The following NLGN1 variants were observed in gnomAD, a reference collection of about 807,000 sequenced individuals.
NLGN1 encodes the protein neuroligin 1, also known as neuroligin-1.
A neutral mutation model predicts 65.5 loss-of-function variants in NLGN1; 12 were observed. That is an observed-to-expected ratio of 0.18 (90% CI 0.12 to 0.30). The LOEUF is 0.30. Ranked by LOEUF, NLGN1 falls within the 10% of genes least tolerant of loss-of-function variation. NLGN1 has a pLI of 1.00. For synonymous variants in NLGN1, 350 were observed against 359.5 expected (o/e 0.97, Z 0.30); for missense variants, 750 against 1,007.1 (o/e 0.74, Z 3.46).
Position 174,279,297 on chromosome 3 carries a change from G to A in NLGN1, c.1296G>A (p.Leu432=), listed in dbSNP as rs1403152996. The stretch of plus-strand genomic sequence containing the variant: ...GATATCCTGAAGGCAAAGATGTTTT[G>A]AGAGAAACCATTAAGTTCATGTATA... Residue 432 remains leucine (L), a synonymous_variant, in exon 6 of 7, where the codon TTG becomes TTA. Transcript: ENST00000457714. The surrounding 1 kb of genome is among the most constrained non-coding windows in gnomAD (Gnocchi z 4.7). 6.2e-7 allele frequency: 1 copy of A among 1,613,338 alleles called. No homozygotes were observed. The highest frequency in any genetic ancestry group is 8.5e-7 in the Non-Finnish European group (1 of 1,179,548).
intron 3 of NLGN1, among the ~76,000 whole-genome samples, chr3:173,642,699 C>G (rs1389642476): frequency 6.6e-6 from 1 of 152,160 alleles, no homozygotes; most frequent in Non-Finnish European, 1.5e-5. Flanking sequence ...GCTTTGCAAA[C>G]TGTTGTAATA....
Position 173,871,986 on chromosome 3 carries a change from C to T in NLGN1, c.646+64154C>T, listed in dbSNP as rs555210449. ...TAGCTGGAATTCACAAGAATAACAT[C>T]TTGGTTTGTAATTTAAATAATGAAG... is the stretch of plus-strand genomic sequence containing the variant. On this transcript the variant is annotated intron_variant, in intron 4 of 6. Transcript: ENST00000457714. 2.0e-5 allele frequency among the ~76,000 whole-genome samples: 3 copies of T among 152,236 alleles called. No individual in the cohort carries two copies. In the South Asian group the frequency reaches 6.2e-4, roughly 32 times the overall value.
intron 4 of NLGN1, among the ~76,000 whole-genome samples, chr3:174,261,826 T>C (rs1417697065): frequency 6.7e-6 from 1 of 149,712 alleles, no homozygotes; most frequent in Non-Finnish European, 1.5e-5. Context: ...GGGGTTGTCA[T>C]AGATAGCTCT....
intron 4 of NLGN1, among the ~76,000 whole-genome samples, chr3:174,197,124 G>C (rs1362134855): frequency 6.6e-6 from 1 of 152,210 alleles, no homozygotes; most frequent in Non-Finnish European, 1.5e-5. Context: ...CATGCCCACA[G>C]AAGGTGAGAA....
chr3:173,942,614 C>A (rs1466437225), intron 4 of NLGN1, among the ~76,000 whole-genome samples: 1 of 152,098 alleles, frequency 6.6e-6, no homozygotes, highest in Non-Finnish European at 1.5e-5. Flanking sequence ...AGTTTTTATT[C>A]CCTAAGACCA....
rs1333350575 is a variant in NLGN1 at position 173,605,520 on chromosome 3, T to C, written c.493+429T>C. On this transcript the variant is annotated intron_variant, in intron 3 of 6. Coordinates refer to ENST00000457714, the Ensembl canonical transcript of NLGN1. ...AGCGCCATGTTATTTTCTAGTCTTC[T>C]ATTCATTTTTCAGTAAAAAGAATAT... 6 of 1,273,670 alleles carry C rather than the reference T, an allele frequency of 4.7e-6. No homozygotes were observed. Among genetic ancestry groups the C allele is most frequent in the South Asian group, 1.2e-5 (1 of 80,664 alleles). 78.9% of individuals were successfully genotyped at this position (1,273,670 alleles called of 1,614,324 possible).
chr3:173,604,378 A>G, exon 3 of NLGN1: 3 of 577,578 alleles, frequency 5.2e-6, no homozygotes, highest in South Asian at 2.3e-5. Context: ...AGAATGTTCA[A>G]TAGGATATGG....
intron 4 of NLGN1, among the ~76,000 whole-genome samples, chr3:174,194,313 G>A (rs374171605): frequency 1.6e-4 from 24 of 151,854 alleles, no homozygotes; most frequent in African/African-American, 4.4e-4. Flanking sequence ...TTAGCTGGGC[G>A]TGGTGGTGCA....
intron 4 of NLGN1, among the ~76,000 whole-genome samples, chr3:173,846,453 G>A (rs972696624): frequency 6.6e-6 from 1 of 152,170 alleles, no homozygotes; most frequent in Non-Finnish European, 1.5e-5. Flanking sequence ...CTCAGAGTGG[G>A]AGAGGTGAGA....
At chr3:173,525,470 T>C (rs1210420455) in intron 2 of NLGN1, among the ~76,000 whole-genome samples, 1 of 152,170 alleles carries the variant, frequency 6.6e-6, no homozygotes, top group Non-Finnish European at 1.5e-5. Flanking sequence ...ATGTCACTTT[T>C]ATCATTTCTG....
At chr3:173,623,054 AC>A (rs1487034794) in intron 3 of NLGN1, among the ~76,000 whole-genome samples, 1 of 152,140 alleles carries the variant, frequency 6.6e-6, no homozygotes, top group Non-Finnish European at 1.5e-5. Context: ...TGAATGAAGA[AC>A]TAGGCTATGA....
At chr3:173,560,465 T>C (rs931556785) in intron 2 of NLGN1, among the ~76,000 whole-genome samples, 1 of 151,824 alleles carries the variant, frequency 6.6e-6, no homozygotes, top group African/African-American at 2.4e-5. Context: ...AGGGGAGGAC[T>C]AATTTCTTAT....
chr3:173,841,917 T>C (rs1468675247), intron 4 of NLGN1, among the ~76,000 whole-genome samples: 1 of 152,116 alleles, frequency 6.6e-6, no homozygotes, highest in African/African-American at 2.4e-5. Context: ...GGTTAAGAAA[T>C]ATATGCTTAA....
At chr3:173,833,866 T>A (rs1345728950) in intron 4 of NLGN1, among the ~76,000 whole-genome samples, 1 of 152,210 alleles carries the variant, frequency 6.6e-6, no homozygotes, top group African/African-American at 2.4e-5. Flanking sequence ...TAGTCAAATA[T>A]ACATTTTTTT....
intron 2 of NLGN1, among the ~76,000 whole-genome samples, chr3:173,508,639 C>T (rs1373608790): frequency 1.3e-5 from 2 of 152,160 alleles, no homozygotes; most frequent in Non-Finnish European, 2.9e-5. Flanking sequence ...CCTGCCTTCC[C>T]TCTGCTCCTT....
At chr3:173,899,630 A>G (rs1736962708) in intron 4 of NLGN1, among the ~76,000 whole-genome samples, 1 of 152,146 alleles carries the variant, frequency 6.6e-6, no homozygotes, top group South Asian at 2.1e-4. Flanking sequence ...GTTACAGGAA[A>G]TCCAAATTTT....
At chr3:173,770,817 T>C (rs1032377346) in intron 3 of NLGN1, among the ~76,000 whole-genome samples, 1 of 152,140 alleles carries the variant, frequency 6.6e-6, no homozygotes, top group Non-Finnish European at 1.5e-5. Flanking sequence ...TCAATTAACA[T>C]ATAATTCGCA....
At chr3:173,468,883 A>C (rs1422683412) in intron 2 of NLGN1, among the ~76,000 whole-genome samples, 1 of 152,130 alleles carries the variant, frequency 6.6e-6, no homozygotes, top group African/African-American at 2.4e-5. Context: ...ATTAAAAGCC[A>C]GTGCATAATA....
chr3:173,581,734 TA>T (rs1421754875), intron 2 of NLGN1, among the ~76,000 whole-genome samples: 1 of 151,988 alleles, frequency 6.6e-6, no homozygotes, highest in East Asian at 1.9e-4. Flanking sequence ...GAAATATTGA[TA>T]TTTCATTTTT....
Sources: allele counts gnomAD v4.1 joint callset (sites outside exome capture counted in the v4.1 genomes callset), GRCh38; gene constraint gnomAD v4.1.1; non-coding constraint Gnocchi (gnomAD v3.1); transcripts MANE v1.5; gene names NCBI Gene and HGNC (gene_info 2026-07-23, HGNC 2026-07-21).